TPST2: variants seen among roughly 807,000 people sequenced by gnomAD.
TPST2 encodes the protein protein-tyrosine sulfotransferase 2.
A neutral mutation model predicts 27.8 loss-of-function variants in TPST2; 16 were observed. That is an observed-to-expected ratio of 0.58 (90% CI 0.39 to 0.88). The LOEUF is 0.88. Among genes scored for constraint, TPST2 ranks in the 40% least tolerant of loss-of-function variants. The pLI is 0.00. For synonymous variants in TPST2, 229 were observed against 231.7 expected, an observed-to-expected ratio of 0.99 and a Z score of 0.10; for missense variants, 464 against 543.1, an observed-to-expected ratio of 0.85 and a Z score of 1.45.
At chr22:26,528,123 C>G in intron 6 of TPST2, 91 bp downstream of exon 6, 1 of 1,468,512 alleles carries the variant, frequency 6.8e-7, no homozygotes, top group Non-Finnish European at 9.3e-7. Flanking sequence ...CCCAGGGAGG[C>G]TCTGGAAGGA....
rs1569181985 is a variant in TPST2, at chr22:26,541,630, TG to T, written c.-1del. 1 of 1,567,280 alleles carries T rather than the reference TG, an allele frequency of 6.4e-7. No individual in the cohort carries two copies. The highest frequency in any genetic ancestry group is 1.1e-5 in the South Asian group (1 of 87,108). On this transcript the variant is annotated 5_prime_UTR_variant, in exon 3 of 7. Coordinates refer to ENST00000338754, the MANE Select transcript of TPST2 (RefSeq NM_003595.5). The surrounding 1 kb of genome is among the most constrained non-coding windows in gnomAD (Gnocchi z 5.9). ...AGCACCCTCCGCACCGACAGGCGCA[TG>T]CTGGGCCGGAGGCAGGGTAGGCCTG...
At position 26,586,171 on chromosome 22, in the gene TPST2, G is replaced by A. The variant is rs149713281; in HGVS notation, c.-161+3882C>T. Among the ~76,000 whole-genome samples, 205 of 152,198 alleles carry A rather than the reference G, an allele frequency of 1.3e-3. 1 individual carries two copies. Among genetic ancestry groups the A allele is most frequent in the African/African-American group, 4.5e-3 (187 of 41,512 alleles). ...TAGGGTACACTGACACCCAGAGAGC[G>A]GCAGTTCCTTGCCTAGGGAGCCTTC... On this transcript the variant is annotated intron_variant, in intron 1 of 6. Transcript: ENST00000338754.
chr22:26,532,725 T>C lies in TPST2; in HGVS notation c.1062A>G (p.Lys354=). ...AATATCCTTTCAGATTGGCTGGTGT[T>C]TTATAGTCCCCTTTCAAGACCTAAG... is the stretch of plus-strand genomic sequence containing the variant. The part of the protein sequence containing the change: ...NTQRVLKGDY[K]TPANLKGYFQ... The change falls in exon 5 of 7, where the codon AAA becomes AAG. Residue 354 remains lysine (K), a synonymous_variant. Coordinates refer to ENST00000338754, the MANE Select transcript of TPST2 (RefSeq NM_003595.5). The C allele has an allele frequency of 6.2e-7, 1 of 1,613,962 alleles. No individual in the cohort carries two copies. Among genetic ancestry groups the C allele is most frequent in the Non-Finnish European group, 8.5e-7 (1 of 1,179,924 alleles).
intron 1 of TPST2, among the ~76,000 whole-genome samples, chr22:26,579,043 G>C (rs1216201352): frequency 6.6e-6 from 1 of 151,952 alleles, no homozygotes; most frequent in African/African-American, 2.4e-5. Flanking sequence ...GTAGAGACAG[G>C]GTTTCGCCAT....
At position 26,541,121 on chromosome 22, in the gene TPST2, C is replaced by T. The variant is rs5761587; in HGVS notation, c.510G>A (p.Ser170=). The change falls in exon 3 of 7, where the codon TCG becomes TCA. Residue 170 remains serine (S), a synonymous_variant. Coordinates refer to ENST00000338754, the MANE Select transcript of TPST2 (RefSeq NM_003595.5). This position sits in a 1 kb window ranked among gnomAD's most constrained non-coding sequence, Gnocchi z 5.9. ...GGAACTTGGAGTTGGGGAACAGGCG[C>T]GACAGGTAGACCGAGGACTTGAGCG... is the stretch of plus-strand genomic sequence containing the variant. ...PFTLKSSVYL[S]RLFPNSKFLL... 58 of 1,607,408 alleles carry T rather than the reference C, an allele frequency of 3.6e-5. No homozygotes were observed. Among genetic ancestry groups the T allele is most frequent in the South Asian group, 8.8e-5 (8 of 90,590 alleles).
intron 1 of TPST2, among the ~76,000 whole-genome samples, chr22:26,557,746 T>C (rs887360997): frequency 2.1e-5 from 2 of 96,488 alleles, no homozygotes; most frequent in Admixed American, 9.8e-5. Context: ...CAGGGAGCCA[T>C]CTCAAAGAAG....
intron 3 of TPST2, 123 bp from the exon 4 acceptor site, chr22:26,536,609 GC>G: frequency 2.2e-6 from 2 of 898,542 alleles, no homozygotes; most frequent in Non-Finnish European, 3.2e-6. Flanking sequence ...ACCCAGCTCT[GC>G]CCCATCAACT....
At chr22:26,565,772 T>C (rs1203410771) in intron 1 of TPST2, 1 of 152,182 alleles carries the variant, frequency 6.6e-6, no homozygotes. Context: ...AATATTATCA[T>C]CAATCAATAT....
chr22:26,549,846 C>T (rs933366610), intron 1 of TPST2, among the ~76,000 whole-genome samples: 6 of 137,932 alleles, frequency 4.3e-5, no homozygotes, highest in East Asian at 2.1e-4. Context: ...CTGGCTAACA[C>T]GGTGAAACCC....
At chr22:26,587,036 T>C (rs1016785251) in intron 1 of TPST2, among the ~76,000 whole-genome samples, 1 of 152,118 alleles carries the variant, frequency 6.6e-6, no homozygotes, top group Non-Finnish European at 1.5e-5. Flanking sequence ...GCAACTCACA[T>C]AGGACACTCC....
chr22:26,553,850 G>A (rs1926628448), intron 1 of TPST2, among the ~76,000 whole-genome samples: 1 of 152,114 alleles, frequency 6.6e-6, no homozygotes. Context: ...ATGCTATGTA[G>A]GTAGTTGTTA....
chr22:26,573,395 C>T lies in TPST2; in HGVS notation c.-161+16658G>A, dbSNP rs186949153. 4.7e-3 allele frequency among the ~76,000 whole-genome samples: 712 copies of T among 152,338 alleles called. 4 individuals are homozygous for T. The highest frequency in any genetic ancestry group is 8.2e-3 in the Non-Finnish European group (560 of 68,038). On this transcript the variant is annotated intron_variant, in intron 1 of 6. Transcript: ENST00000338754. ...GGGGCCAGTCACTGACTCCGACTTC[C>T]GCCCCAACAATGCGGATTTGAGTTT...
chr22:26,573,650 T>C (rs1457199784), intron 1 of TPST2, among the ~76,000 whole-genome samples: 2 of 152,228 alleles, frequency 1.3e-5, no homozygotes, highest in African/African-American at 2.4e-5. Context: ...AAATAAATAC[T>C]TGCTGGATGT....
intron 1 of TPST2, among the ~76,000 whole-genome samples, chr22:26,553,048 G>A (rs964478001): frequency 8.2e-5 from 9 of 109,970 alleles, no homozygotes; most frequent in Non-Finnish European, 5.1e-5. Flanking sequence ...TGACAACAGC[G>A]AAACTCCATC....
intron 1 of TPST2, among the ~76,000 whole-genome samples, chr22:26,582,884 G>C (rs758554621): frequency 3.4e-4 from 51 of 152,042 alleles, no homozygotes; most frequent in Admixed American, 7.9e-4. Flanking sequence ...TCTCACTGTG[G>C]GGAACAACAG....
At chr22:26,583,840 C>CA (rs778357820) in intron 1 of TPST2, among the ~76,000 whole-genome samples, 3,461 of 143,898 alleles carry the variant, frequency 0.024, 98 homozygotes, top group African/African-American at 0.07. Flanking sequence ...GACTTCGTCT[C>CA]AAAAAAAAAA....
At chr22:26,540,433 T>C (rs1211340079) in intron 3 of TPST2, among the ~76,000 whole-genome samples, 1 of 152,142 alleles carries the variant, frequency 6.6e-6, no homozygotes, top group African/African-American at 2.4e-5. Flanking sequence ...ACCCCATCTC[T>C]ACCAAAAATA....
rs1224811393 is a variant in TPST2 at position 26,541,116 on chromosome 22, A to T, written c.515T>A (p.Leu172Gln). 6.2e-7 allele frequency: 1 copy of T among 1,607,670 alleles called. No individual in the cohort carries two copies. The highest frequency in any genetic ancestry group is 8.5e-7 in the Non-Finnish European group (1 of 1,175,400). ...CAGCAGGAACTTGGAGTTGGGGAAC[A>T]GGCGCGACAGGTAGACCGAGGACTT... ...TLKSSVYLSR[L>Q]FPNSKFLLMV... is the part of the protein sequence containing the mutation. Residue 172 changes from leucine to glutamine, a missense_variant, in exon 3 of 7, where the codon CTG becomes CAG. Transcript: ENST00000338754. This position sits in a 1 kb window ranked among gnomAD's most constrained non-coding sequence, Gnocchi z 5.9.
chr22:26,568,402 A>G (rs1316238989), intron 1 of TPST2, among the ~76,000 whole-genome samples: 1 of 152,194 alleles, frequency 6.6e-6, no homozygotes, highest in Non-Finnish European at 1.5e-5. Context: ...CATTCCCAAG[A>G]GGTCAGGCAT....
Sources: gnomAD v4.1 joint callset for allele counts (sites outside exome capture counted in the v4.1 genomes callset) on GRCh38, gnomAD v4.1.1 for gene constraint, Gnocchi (gnomAD v3.1) non-coding constraint, MANE v1.5 for transcripts, NCBI Gene and HGNC (gene_info 2026-07-23, HGNC 2026-07-21) for gene names.